The following IL20RB variants were observed in gnomAD, a reference collection of about 807,000 sequenced individuals.
The protein encoded by IL20RB is interleukin-20 receptor subunit beta.
A neutral mutation model predicts 33.3 loss-of-function variants in IL20RB; 21 were observed. The ratio of observed to expected loss-of-function variants is 0.63; its 90% CI spans 0.45 to 0.91. The LOEUF (loss-of-function observed/expected upper bound fraction) is 0.91, where lower values mean the gene tolerates loss of function less well. Ranked by LOEUF, IL20RB falls within the 40% of genes least tolerant of loss-of-function variation. The pLI, the probability that IL20RB is intolerant of heterozygous loss-of-function variation, is 0.00. For synonymous variants in IL20RB, 147 were observed against 146.8 expected (o/e 1.00, Z -0.01); for missense variants, 345 against 384.8 (o/e 0.90, Z 0.86).
intron 1 of IL20RB, among the ~76,000 whole-genome samples, chr3:136,979,242 G>A (rs891740385): frequency 7.9e-5 from 12 of 152,130 alleles, no homozygotes; most frequent in Admixed American, 5.2e-4. Context: ...GGATGCTGAG[G>A]GTGAGATGGA....
intron 6 of IL20RB, among the ~76,000 whole-genome samples, chr3:136,998,462 T>G (rs567738001): frequency 6.6e-6 from 1 of 151,800 alleles, no homozygotes; most frequent in African/African-American, 2.4e-5. Context: ...GATCTTTATT[T>G]CCATCTGGTG....
chr3:136,958,911 T>TTCTCTCTCTCTCTC (rs3077025), intron 1 of IL20RB, among the ~76,000 whole-genome samples: 6 of 150,110 alleles, frequency 4.0e-5, no homozygotes, highest in Admixed American at 6.6e-5. Context: ...CTTGAGTACT[T>TTCTCTCTCTCTCTC]TCTCTCTCTC....
intron 1 of IL20RB, among the ~76,000 whole-genome samples, chr3:136,971,910 A>T (rs1237409648): frequency 1.3e-5 from 2 of 152,198 alleles, no homozygotes; most frequent in Non-Finnish European, 2.9e-5. Flanking sequence ...AGAAATCTCC[A>T]TACTGTTTTC....
rs114719014 is a variant in IL20RB, at chr3:137,007,757, C to A, written c.826-2356C>A. Among the ~76,000 whole-genome samples, 1,061 of 152,278 alleles carry A rather than the reference C, an allele frequency of 7.0e-3. 15 individuals carry two copies. Among genetic ancestry groups the A allele is most frequent in the African/African-American group, 0.024 (1,018 of 41,554 alleles). ...CTTGTGCTTCCCGGGTAAGGCGATG[C>A]CCTGCCCTGCTTCAGCTCGCCCTCT... On this transcript the variant is annotated intron_variant, in intron 6 of 6. Transcript: ENST00000329582.
intron 3 of IL20RB, among the ~76,000 whole-genome samples, chr3:136,987,300 TAC>T (rs1171777519): frequency 6.6e-6 from 1 of 151,996 alleles, no homozygotes; most frequent in Non-Finnish European, 1.5e-5. Context: ...ATTAGTTAGA[TAC>T]AGAGTATAGA....
chr3:136,986,321 T>C (rs1941898108), intron 3 of IL20RB, among the ~76,000 whole-genome samples: 1 of 152,192 alleles, frequency 6.6e-6, no homozygotes, highest in African/African-American at 2.4e-5. Flanking sequence ...GAGATAAGCA[T>C]GCAGAAGGCA....
chr3:136,970,963 T>G (rs185481476), intron 1 of IL20RB, among the ~76,000 whole-genome samples: 2 of 152,100 alleles, frequency 1.3e-5, no homozygotes, highest in Admixed American at 6.5e-5. Context: ...TATTTTCTAT[T>G]TTCTTTATTT....
chr3:136,982,232 G>A lies in IL20RB; in HGVS notation c.288G>A (p.Glu96=). The A allele has an allele frequency of 6.2e-7, 1 of 1,609,964 alleles. No homozygotes were observed. Among genetic ancestry groups the A allele is most frequent in the Non-Finnish European group, 8.5e-7 (1 of 1,176,682 alleles). Residue 96 remains glutamate, a synonymous_variant, in exon 3 of 7, where the codon GAG becomes GAA. Transcript: ENST00000329582. ...SSWCSLTEGP[E]CDVTDDITAT... ...GGTGCTCACTCACTGAAGGTCCTGA[G>A]TGTGATGTCACTGATGACATCACGG...
At chr3:136,974,138 C>A (rs1410233000) in intron 1 of IL20RB, among the ~76,000 whole-genome samples, 1 of 151,230 alleles carries the variant, frequency 6.6e-6, no homozygotes, top group African/African-American at 2.4e-5. Flanking sequence ...TTAGTGTTTT[C>A]TTTTTCTCCT....
intron 3 of IL20RB, among the ~76,000 whole-genome samples, chr3:136,982,745 G>A (rs1240839531): frequency 6.6e-6 from 1 of 152,186 alleles, no homozygotes; most frequent in African/African-American, 2.4e-5. Flanking sequence ...GCCCACGTAA[G>A]CAGCTTTGTT....
intron 1 of IL20RB, among the ~76,000 whole-genome samples, chr3:136,963,348 G>A (rs1049472647): frequency 6.6e-6 from 1 of 152,112 alleles, no homozygotes; most frequent in Non-Finnish European, 1.5e-5. Flanking sequence ...TACATGTTTA[G>A]TTTTACAAGA....
At chr3:136,980,845 A>G (rs1941753831) in intron 2 of IL20RB, among the ~76,000 whole-genome samples, 1 of 152,216 alleles carries the variant, frequency 6.6e-6, no homozygotes, top group Non-Finnish European at 1.5e-5. Flanking sequence ...TAAAAAGTGA[A>G]TCAACTGTCC....
chr3:136,966,199 T>C (rs1455770331), intron 1 of IL20RB, among the ~76,000 whole-genome samples: 2 of 142,218 alleles, frequency 1.4e-5, no homozygotes, highest in African/African-American at 2.8e-5. Context: ...ATCAGAATGA[T>C]GCTGGCCTCA....
chr3:136,975,785 G>A (rs187448591), intron 1 of IL20RB, among the ~76,000 whole-genome samples: 4 of 152,216 alleles, frequency 2.6e-5, no homozygotes, highest in Non-Finnish European at 5.9e-5. Flanking sequence ...AATTGTGGCA[G>A]TGGTGGTCTG....
intron 1 of IL20RB, among the ~76,000 whole-genome samples, chr3:136,976,585 C>T (rs554824180): frequency 2.6e-5 from 4 of 152,278 alleles, no homozygotes; most frequent in East Asian, 3.9e-4. Flanking sequence ...CAGTCTCAGC[C>T]CCGGCAGCAC....
intron 6 of IL20RB, 112 bp downstream of exon 6, chr3:136,995,668 C>A: frequency 1.0e-6 from 1 of 986,982 alleles, no homozygotes; most frequent in Non-Finnish European, 1.5e-6. Flanking sequence ...TTATAGGCAT[C>A]TGCACAGAGA....
At chr3:136,986,882 C>T (rs554928455) in intron 3 of IL20RB, 19 of 397,722 alleles carry the variant, frequency 4.8e-5, no homozygotes, top group Admixed American at 8.6e-5. Flanking sequence ...TTCCTAGTCT[C>T]GCTGGCTCAG....
chr3:136,986,678 T>A (rs1322784300), intron 3 of IL20RB: 1 of 456,646 alleles, frequency 2.2e-6, no homozygotes, highest in African/African-American at 2.0e-5. Flanking sequence ...CTTTGTTCTC[T>A]GAAAACTCCC....
intron 1 of IL20RB, among the ~76,000 whole-genome samples, chr3:136,972,650 A>G (rs1320897590): frequency 6.6e-6 from 1 of 151,726 alleles, no homozygotes; most frequent in East Asian, 1.9e-4. Flanking sequence ...TCTTCTTTTT[A>G]ATTTCTGATA....
Sources: gnomAD v4.1 joint callset for allele counts (sites outside exome capture counted in the v4.1 genomes callset) on GRCh38, gnomAD v4.1.1 for gene constraint, MANE v1.5 for transcripts, NCBI Gene and HGNC (gene_info 2026-07-23, HGNC 2026-07-21) for gene names.